The following GRHL1 variants were observed in gnomAD, a reference collection of about 807,000 sequenced individuals.
GRHL1 encodes grainyhead-like protein 1 homolog.
Under a neutral mutation model 75.7 loss-of-function variants are expected in GRHL1, and 38 were observed. The ratio of observed to expected loss-of-function variants is 0.50; its 90% CI spans 0.39 to 0.66. The LOEUF (loss-of-function observed/expected upper bound fraction) is 0.66, where lower values mean the gene tolerates loss of function less well. Ranked by LOEUF, GRHL1 falls within the 30% of genes least tolerant of loss-of-function variation. GRHL1 has a pLI of 0.00. For synonymous variants in GRHL1, 266 were observed against 279.4 expected (o/e 0.95, Z 0.48); for missense variants, 589 against 767.5 (o/e 0.77, Z 2.75).
rs147415325 is a variant in GRHL1, at chr2:9,965,301, A to G, written c.1030A>G (p.Ser344Gly). 15 of 1,603,106 alleles carry G rather than the reference A, an allele frequency of 9.4e-6. No homozygotes were observed. The highest frequency in any genetic ancestry group is 1.2e-5 in the Non-Finnish European group (14 of 1,170,184). ...RCIDIADYKE[S>G]FNTISNIEEI... ...GCTTCCTGTAGCTGACTATAAAGAA[A>G]GCTTCAACACTATCAGTAACATCGA... The change falls in exon 8 of 16, where the codon AGC (serine) becomes GGC (glycine). Residue 344 changes from serine to glycine, a missense_variant. Transcript: ENST00000324907.
chr2:9,974,395 A>G (rs6731160), intron 8 of GRHL1, among the ~76,000 whole-genome samples: 26,105 of 152,248 alleles, frequency 0.17, 2,879 homozygotes, highest in African/African-American at 0.31. Context: ...CATCTTCCAC[A>G]GTTAAATCCA....
At chr2:9,999,401 C>T (rs963443634) in intron 15 of GRHL1, among the ~76,000 whole-genome samples, 4 of 152,264 alleles carry the variant, frequency 2.6e-5, no homozygotes, top group South Asian at 2.1e-4. Context: ...GTGTGGCCAG[C>T]GCCACTGAGG....
At chr2:9,994,055 A>AG (rs1223475287) in intron 12 of GRHL1, among the ~76,000 whole-genome samples, 3 of 145,586 alleles carry the variant, frequency 2.1e-5, no homozygotes, top group Non-Finnish European at 4.5e-5. Context: ...TGCCTAGTGG[A>AG]GGGGGGCTGA....
intron 11 of GRHL1, 40 bp from the exon 12 acceptor site, chr2:9,993,167 G>T: frequency 7.0e-7 from 1 of 1,438,016 alleles, no homozygotes. Flanking sequence ...CAAACATTTT[G>T]AGCATACATT....
intron 8 of GRHL1, among the ~76,000 whole-genome samples, chr2:9,985,682 G>A (rs1302720575): frequency 6.6e-6 from 1 of 152,190 alleles, no homozygotes; most frequent in Non-Finnish European, 1.5e-5. Context: ...TAAAATATGA[G>A]GACACAGAGT....
At chr2:9,997,154 T>C (rs1211643551) in intron 14 of GRHL1, among the ~76,000 whole-genome samples, 1 of 152,338 alleles carries the variant, frequency 6.6e-6, no homozygotes, top group East Asian at 1.9e-4. Flanking sequence ...TTAACACATC[T>C]TGATAAAGGG....
intron 8 of GRHL1, among the ~76,000 whole-genome samples, chr2:9,978,194 C>T (rs1367666993): frequency 2.0e-5 from 3 of 152,198 alleles, no homozygotes; most frequent in South Asian, 4.1e-4. Flanking sequence ...ACCATATCAT[C>T]TGTCCTCACA....
chr2:9,965,045 A>G (rs1268683547), intron 7 of GRHL1: 2 of 410,806 alleles, frequency 4.9e-6, no homozygotes, highest in Non-Finnish European at 8.7e-6. Context: ...AACTTTTTAG[A>G]CTTAAATTTC....
At chr2:9,977,135 C>T (rs1667980149) in intron 8 of GRHL1, among the ~76,000 whole-genome samples, 1 of 152,068 alleles carries the variant, frequency 6.6e-6, no homozygotes, top group Non-Finnish European at 1.5e-5. Context: ...TTTATATTAG[C>T]TCTTTTTATT....
In GRHL1 at chr2:9,958,807, T is replaced by C. The variant is rs373148350; in HGVS notation, c.229T>C (p.Ser77Pro). The C allele has an allele frequency of 7.4e-6, 12 of 1,613,554 alleles. No individual in the cohort carries two copies. Among genetic ancestry groups the C allele is most frequent in the Non-Finnish European group, 1.0e-5 (12 of 1,179,626 alleles). Reference protein sequence around the residue: ...YYKVPRERRSSTAKPEVEHPE... With the variant: ...YYKVPRERRSPTAKPEVEHPE... ...TCAGGTTCCAAGAGAGAGAAGGTCATCAACAGCAAAGCCAGAGGTGGAGCA... is the reference window on the plus strand; with the variant it reads ...TCAGGTTCCAAGAGAGAGAAGGTCACCAACAGCAAAGCCAGAGGTGGAGCA... Residue 77 changes from serine to proline, a missense_variant, in exon 3 of 16, where the codon TCA (serine) becomes CCA (proline). Ser to Pro is a moderately conservative substitution (Grantham distance 74, BLOSUM62 -1). This residue lies in a region of GRHL1 where 362 missense variants were observed against 461.8 expected (regional missense o/e 0.78). Coordinates refer to ENST00000324907, the MANE Select transcript of GRHL1 (RefSeq NM_198182.3).
intron 12 of GRHL1, among the ~76,000 whole-genome samples, 181 bp downstream of exon 12, chr2:9,993,425 C>T (rs1337922712): frequency 1.3e-5 from 2 of 152,200 alleles, no homozygotes; most frequent in African/African-American, 4.8e-5. Flanking sequence ...CAAGGACATC[C>T]TCCTGTGTCA....
At position 9,961,219 on chromosome 2, in the gene GRHL1, C is replaced by T. The variant is rs746062803; in HGVS notation, c.452C>T (p.Thr151Met). 7.4e-6 allele frequency: 12 copies of T among 1,613,942 alleles called. No homozygotes were observed. The highest frequency in any genetic ancestry group is 1.6e-4 in the Middle Eastern group (1 of 6,084). ...ACGACAGTCACTGTCTCCATAGCAA[C>T]GATGCCTACCCACTCCATCAAGACA... ...PDTTVTVSIATMPTHSIKTET... is the reference protein window; with the variant it reads ...PDTTVTVSIAMMPTHSIKTET... Residue 151 changes from threonine (T) to methionine (M), a missense_variant, in exon 4 of 16, where the codon ACG (threonine) becomes ATG (methionine). This residue lies in a region of GRHL1 where 362 missense variants were observed against 461.8 expected (regional missense o/e 0.78). Transcript: ENST00000324907.
chr2:9,958,413 C>T (rs1395667454), intron 2 of GRHL1, among the ~76,000 whole-genome samples: 1 of 151,994 alleles, frequency 6.6e-6, no homozygotes, highest in Admixed American at 6.6e-5. Flanking sequence ...CTCCTGGGCT[C>T]AAACAATCCT....
chr2:9,991,627 G>A (rs1487936286), intron 10 of GRHL1, among the ~76,000 whole-genome samples: 1 of 152,232 alleles, frequency 6.6e-6, no homozygotes, highest in Non-Finnish European at 1.5e-5. Context: ...GTGTTGGAAT[G>A]TAAATTATTT....
chr2:9,952,200 C>G (rs1283769409), intron 1 of GRHL1, among the ~76,000 whole-genome samples: 2 of 152,004 alleles, frequency 1.3e-5, no homozygotes, highest in Non-Finnish European at 2.9e-5. Flanking sequence ...GGGGCGCAGC[C>G]AACGCCCCCG....
chr2:9,987,869 C>T lies in GRHL1; in HGVS notation c.1269+1587C>T, dbSNP rs1668490623. Among the ~76,000 whole-genome samples the T allele has an allele frequency of 6.6e-6, 1 of 152,068 alleles. No individual in the cohort carries two copies. Among genetic ancestry groups the T allele is most frequent in the South Asian group, 2.1e-4 (1 of 4,810 alleles). On this transcript the variant is annotated intron_variant, in intron 9 of 15. Transcript: ENST00000324907. The surrounding 1 kb of genome is among the most constrained non-coding windows in gnomAD (Gnocchi z 4.2). ...GTTTTTCCTACTCAAAAATATTGGA[C>T]CTATTTTTGGCAGGGGACGGGGGCA...
chr2:9,993,132 AT>A lies in GRHL1; in HGVS notation c.1462-71del. On this transcript the variant is annotated intron_variant, in intron 11 of 15. Transcript: ENST00000324907. Reference sequence around the variant, plus strand: ...ATTGGTGAAATTCAAAATTATTTCCATTTTAGGAATAATTCATTTATGGCCA... The same window carrying A: ...ATTGGTGAAATTCAAAATTATTTCCATTTAGGAATAATTCATTTATGGCCA... The A allele has an allele frequency of 3.7e-6, 4 of 1,068,306 alleles. No homozygotes were observed. The Admixed American group carries it at 7.1e-5, about 19-fold the overall frequency. The allele number at this position is 1,068,306 out of a possible 1,614,324, so 66.2% of individuals were successfully genotyped here.
rs554570277 is a variant in GRHL1 at position 9,966,794 on chromosome 2, T to C, written c.1110+1413T>C. ...CATGTGCCTTTCAGGCTGCAGACTC[T>C]AGGCAGTTGGGCCCACCAGGCAGTG... On this transcript the variant is annotated intron_variant, in intron 8 of 15. Transcript: ENST00000324907. Among the ~76,000 whole-genome samples, 4 of 152,250 alleles carry C rather than the reference T, an allele frequency of 2.6e-5. No individual in the cohort carries two copies. In the East Asian group the frequency reaches 7.7e-4, roughly 29 times the overall value.
At chr2:9,963,647 T>C (rs916588696) in intron 5 of GRHL1, among the ~76,000 whole-genome samples, 2 of 152,210 alleles carry the variant, frequency 1.3e-5, no homozygotes, top group African/African-American at 4.8e-5. Context: ...ATCAGTATCT[T>C]TAATATCTCG....
Sources: gnomAD v4.1 joint callset for allele counts (sites outside exome capture counted in the v4.1 genomes callset) on GRCh38, gnomAD v4.1.1 for gene constraint, gnomAD v4.1.1 regional missense constraint, Gnocchi (gnomAD v3.1) non-coding constraint, MANE v1.5 for transcripts, NCBI Gene and HGNC (gene_info 2026-07-23, HGNC 2026-07-21) for gene names.